CCSER1: variants seen among roughly 807,000 people sequenced by gnomAD.
CCSER1 encodes the protein serine-rich coiled-coil domain-containing protein 1.
Under a neutral mutation model 82.0 loss-of-function variants are expected in CCSER1, and 41 were observed. The observed-to-expected ratio is 0.50, with a 90% CI of 0.39 to 0.65. The LOEUF is 0.65. Ranked by LOEUF, CCSER1 falls within the 30% of genes least tolerant of loss-of-function variation. The pLI is 0.00. For synonymous variants in CCSER1, 414 were observed against 383.9 expected (o/e 1.08, Z -0.92); for missense variants, 1,119 against 1,064.2 (o/e 1.05, Z -0.72).
chr4:90,298,525 C>T (rs983001766), intron 1 of CCSER1, among the ~76,000 whole-genome samples: 2 of 151,552 alleles, frequency 1.3e-5, no homozygotes, highest in Non-Finnish European at 2.9e-5. Context: ...TTATTTCTTG[C>T]CTTCTGCTAG....
Position 91,265,457 on chromosome 4 carries a change from TA to T in CCSER1, c.2217+179470del, listed in dbSNP as rs141405599. On this transcript the variant is annotated intron_variant, in intron 10 of 10. Transcript: ENST00000509176. ...TTCCTGTCAAACTTTAGGCCTATAT[TA>T]AAAAAATAAGCTCTGAACAAAGTGT... 2.0e-5 allele frequency among the ~76,000 whole-genome samples: 3 copies of T among 152,062 alleles called. No homozygotes were observed. In the South Asian group the frequency reaches 6.2e-4, roughly 32 times the overall value.
intron 5 of CCSER1, among the ~76,000 whole-genome samples, chr4:90,511,390 C>T (rs1009976232): frequency 2.0e-5 from 3 of 152,150 alleles, no homozygotes; most frequent in South Asian, 2.1e-4. Flanking sequence ...TGCACTCCAA[C>T]CTGGTGATAG....
At chr4:90,140,407 A>G (rs1427822146) in intron 1 of CCSER1, among the ~76,000 whole-genome samples, 1 of 152,170 alleles carries the variant, frequency 6.6e-6, no homozygotes, top group Non-Finnish European at 1.5e-5. Context: ...GAGTGTGTTT[A>G]TAGAAAGATG....
At chr4:90,989,243 A>G (rs1736826814) in intron 9 of CCSER1, among the ~76,000 whole-genome samples, 1 of 151,740 alleles carries the variant, frequency 6.6e-6, no homozygotes, top group Admixed American at 6.6e-5. Context: ...TGGGCCTTTC[A>G]GTCTCCTCTT....
intron 7 of CCSER1, among the ~76,000 whole-genome samples, chr4:90,785,432 G>A (rs1754368673): frequency 6.6e-6 from 1 of 152,100 alleles, no homozygotes; most frequent in South Asian, 2.1e-4. Context: ...TAGATGTTGT[G>A]CAGCTGGATA....
intron 10 of CCSER1, among the ~76,000 whole-genome samples, chr4:91,428,360 C>G (rs1207407805): frequency 6.6e-6 from 1 of 151,970 alleles, no homozygotes; most frequent in Non-Finnish European, 1.5e-5. Flanking sequence ...TTTTTATGGA[C>G]AACATTTATT....
chr4:91,482,041 C>CAG (rs1226473148), intron 10 of CCSER1, among the ~76,000 whole-genome samples: 3 of 151,828 alleles, frequency 2.0e-5, no homozygotes, highest in African/African-American at 4.8e-5. Flanking sequence ...CACTGGCGAT[C>CAG]AGAGAGATGC....
intron 10 of CCSER1, among the ~76,000 whole-genome samples, chr4:91,233,026 G>A (rs1197200072): frequency 6.6e-6 from 1 of 151,714 alleles, no homozygotes; most frequent in African/African-American, 2.4e-5. Context: ...TAGCTACTTA[G>A]GATTGAGGGG....
At chr4:91,064,266 G>A (rs192301435) in intron 9 of CCSER1, among the ~76,000 whole-genome samples, 1 of 152,232 alleles carries the variant, frequency 6.6e-6, no homozygotes, top group African/African-American at 2.4e-5. Flanking sequence ...CATATCATGA[G>A]TCCCAAGAAT....
At position 91,560,326 on chromosome 4, in the gene CCSER1, T is replaced by C. The variant is rs781031528; in HGVS notation, c.2218-38246T>C. 5.3e-5 allele frequency among the ~76,000 whole-genome samples: 8 copies of C among 151,510 alleles called. 1 individual carries two copies. Among genetic ancestry groups the C allele is most frequent in the Non-Finnish European group, 1.2e-4 (8 of 67,590 alleles). On this transcript the variant is annotated intron_variant, in intron 10 of 10. Transcript: ENST00000509176. ...CACTTTTCAGCAATGTTATCAAATA[T>C]ATACTTTGTTTTTCCTTTTGAAGCT...
intron 3 of CCSER1, among the ~76,000 whole-genome samples, chr4:90,366,597 C>T (rs1043029416): frequency 6.6e-6 from 1 of 151,728 alleles, no homozygotes; most frequent in African/African-American, 2.4e-5. Context: ...GAAAAAAAAT[C>T]CCACATTTCT....
At chr4:90,351,400 T>C in intron 3 of CCSER1, among the ~76,000 whole-genome samples, 1 of 152,082 alleles carries the variant, frequency 6.6e-6, no homozygotes. Flanking sequence ...TATGAAGCCA[T>C]GAGAAGCTGT....
chr4:90,810,513 G>T (rs926275357), intron 7 of CCSER1, among the ~76,000 whole-genome samples: 2 of 151,950 alleles, frequency 1.3e-5, no homozygotes, highest in South Asian at 2.1e-4. Flanking sequence ...GCCAGGTGTG[G>T]TGGCACGTGC....
chr4:91,379,510 TTTC>T (rs1750703866), intron 10 of CCSER1, among the ~76,000 whole-genome samples: 1 of 152,224 alleles, frequency 6.6e-6, no homozygotes, highest in Admixed American at 6.5e-5. Flanking sequence ...AGTTTATCCA[TTTC>T]TTCTAGATTT....
chr4:91,070,816 A>G (rs550821600), intron 9 of CCSER1, among the ~76,000 whole-genome samples: 4 of 151,694 alleles, frequency 2.6e-5, no homozygotes, highest in African/African-American at 9.8e-5. Flanking sequence ...CCGCTCTACA[A>G]GAGAGTCTGG....
In CCSER1 at chr4:90,889,564, T is replaced by A. The variant is rs1026967303; in HGVS notation, c.2095-33806T>A. Among the ~76,000 whole-genome samples, 5 of 151,930 alleles carry A rather than the reference T, an allele frequency of 3.3e-5. No individual in the cohort carries two copies. In the East Asian group the frequency reaches 9.6e-4, roughly 29 times the overall value. Reference sequence around the variant, plus strand: ...CCATTAGGGAAACTGCTAGAGCAAATTTTTTTTAATGAATAAATGTTGCAG... The same window carrying A: ...CCATTAGGGAAACTGCTAGAGCAAAATTTTTTTAATGAATAAATGTTGCAG... On this transcript the variant is annotated intron_variant, in intron 8 of 10. Transcript: ENST00000509176.
intron 10 of CCSER1, among the ~76,000 whole-genome samples, chr4:91,463,700 G>A (rs74186190): frequency 6.6e-6 from 1 of 152,212 alleles, no homozygotes; most frequent in Admixed American, 6.5e-5. Flanking sequence ...AGAGCTACGT[G>A]ATTAATGCAC....
At chr4:90,278,090 A>G (rs560753275) in intron 1 of CCSER1, among the ~76,000 whole-genome samples, 2 of 151,804 alleles carry the variant, frequency 1.3e-5, no homozygotes, top group East Asian at 1.9e-4. Flanking sequence ...GCTCATCATC[A>G]TCAATCATTA....
At chr4:91,385,501 CTT>C (rs528744908) in intron 10 of CCSER1, among the ~76,000 whole-genome samples, 1 of 151,832 alleles carries the variant, frequency 6.6e-6, no homozygotes, top group Non-Finnish European at 1.5e-5. Context: ...ATTGTTCTGA[CTT>C]TTAGATGGAG....
Sources: gnomAD v4.1 joint callset for allele counts (sites outside exome capture counted in the v4.1 genomes callset) on GRCh38, gnomAD v4.1.1 for gene constraint, MANE v1.5 for transcripts, NCBI Gene and HGNC (gene_info 2026-07-23, HGNC 2026-07-21) for gene names.